Variants in CXADR observed in about 807,000 individuals in gnomAD.
The protein encoded by CXADR is coxsackievirus and adenovirus receptor.
In CXADR, 20 loss-of-function variants were observed where a neutral mutation model predicts 40.3. The observed-to-expected ratio is 0.50, with a 90% CI of 0.35 to 0.72. The LOEUF is 0.72. CXADR is among the 30% of genes least tolerant of loss of function. The pLI is 0.01. For synonymous variants in CXADR, 150 were observed against 161.3 expected, an observed-to-expected ratio of 0.93 and a Z score of 0.53; for missense variants, 332 against 449.1, an observed-to-expected ratio of 0.74 and a Z score of 2.36.
At chr21:17,624,963 T>C in the CXADR span, among the ~76,000 whole-genome samples, 1 of 152,206 alleles carries the variant, frequency 6.6e-6, no homozygotes, top group Non-Finnish European at 1.5e-5. Flanking sequence ...CTTAACCTGC[T>C]TTTTGTTTTC....
the CXADR span, among the ~76,000 whole-genome samples, chr21:17,610,299 A>G: frequency 2.0e-5 from 3 of 152,236 alleles, no homozygotes; most frequent in Non-Finnish European, 4.4e-5. Context: ...TGAACTGTAC[A>G]TTTTAAATGG....
Position 17,567,368 on chromosome 21 carries a change from A to G in CXADR, c.*1676A>G, listed in dbSNP as rs2061223543. ...CATTTTAAAAACAGGTTTTAACCTT[A>G]TGTAAAATTACTTTTATACTCGTGT... On this transcript the variant is annotated 3_prime_UTR_variant, in exon 7 of 7. Coordinates refer to ENST00000284878, the MANE Select transcript of CXADR (RefSeq NM_001338.5). 3.0e-6 allele frequency: 3 copies of G among 984,920 alleles called. No homozygotes were observed. The highest frequency in any genetic ancestry group is 9.4e-5 in the South Asian group (2 of 21,284). 61.0% of individuals were successfully genotyped at this position (984,920 alleles called of 1,614,324 possible).
At chr21:17,554,977 A>AG (rs2061015783) in intron 3 of CXADR, among the ~76,000 whole-genome samples, 1 of 152,088 alleles carries the variant, frequency 6.6e-6, no homozygotes, top group Non-Finnish European at 1.5e-5. Context: ...TCTGGATGTG[A>AG]GGGGCAGCAT....
chr21:17,632,829 C>T, the CXADR span, among the ~76,000 whole-genome samples: 2 of 151,844 alleles, frequency 1.3e-5, no homozygotes, highest in Admixed American at 6.6e-5. Flanking sequence ...AGATCGCCAC[C>T]GCACTCCAGC....
intron 7 of CXADR, among the ~76,000 whole-genome samples, chr21:17,591,830 A>G (rs555727691): frequency 6.6e-6 from 1 of 152,100 alleles, no homozygotes; most frequent in East Asian, 1.9e-4. Context: ...CAAAGCACCT[A>G]GAGTCATAAT....
downstream of CXADR, among the ~76,000 whole-genome samples, chr21:17,594,552 A>T (rs959534481): frequency 1.3e-5 from 2 of 152,058 alleles, no homozygotes; most frequent in Non-Finnish European, 2.9e-5. Flanking sequence ...GAAATGAATA[A>T]ACTCAAACAC....
At chr21:17,561,898 C>T (rs559924031) in intron 6 of CXADR, among the ~76,000 whole-genome samples, 3 of 152,176 alleles carry the variant, frequency 2.0e-5, no homozygotes, top group African/African-American at 4.8e-5. Flanking sequence ...TAGGTCTTAA[C>T]GAGAAGTGTG....
At chr21:17,632,076 G>A in the CXADR span, among the ~76,000 whole-genome samples, 1 of 152,082 alleles carries the variant, frequency 6.6e-6, no homozygotes, top group Non-Finnish European at 1.5e-5. Context: ...CTGCCAAAGT[G>A]CTTGGGACCA....
the CXADR span, among the ~76,000 whole-genome samples, chr21:17,632,835 C>T: frequency 1.3e-5 from 2 of 152,034 alleles, no homozygotes; most frequent in Non-Finnish European, 1.5e-5. Flanking sequence ...CCACCGCACT[C>T]CAGCCTGGGC....
chr21:17,551,438 T>G (rs1014687651), intron 2 of CXADR, among the ~76,000 whole-genome samples: 2 of 152,132 alleles, frequency 1.3e-5, no homozygotes, highest in African/African-American at 4.8e-5. Context: ...CAAGCAAATC[T>G]GTGTTCTTGC....
chr21:17,591,206 T>C (rs527529788), intron 7 of CXADR, among the ~76,000 whole-genome samples: 23 of 152,196 alleles, frequency 1.5e-4, no homozygotes, highest in African/African-American at 3.8e-4. Context: ...AGCTTCATTA[T>C]TTAGTTTTCT....
At chr21:17,582,965 T>C (rs2061371382) in intron 7 of CXADR, among the ~76,000 whole-genome samples, 1 of 152,210 alleles carries the variant, frequency 6.6e-6, no homozygotes, top group Non-Finnish European at 1.5e-5. Flanking sequence ...AGATAATTTT[T>C]TGGGAACAGG....
chr21:17,604,725 A>G, the CXADR span: 4 of 1,135,900 alleles, frequency 3.5e-6, no homozygotes, highest in South Asian at 2.1e-5. Flanking sequence ...AAAGTATTTC[A>G]TAAAATTTAC....
the CXADR span, among the ~76,000 whole-genome samples, chr21:17,628,596 G>A: frequency 6.6e-6 from 1 of 151,862 alleles, no homozygotes. Flanking sequence ...TGCCTCCCAG[G>A]TTCAAGCGAT....
intron 7 of CXADR, among the ~76,000 whole-genome samples, chr21:17,581,747 A>T (rs1053185058): frequency 2.6e-5 from 4 of 151,666 alleles, no homozygotes; most frequent in Non-Finnish European, 5.9e-5. Context: ...CAGGAGGCTG[A>T]GGTGGGAGGA....
intron 1 of CXADR, among the ~76,000 whole-genome samples, chr21:17,540,824 A>G (rs2060817524): frequency 6.6e-6 from 1 of 152,206 alleles, no homozygotes; most frequent in Admixed American, 6.5e-5. Context: ...CACAGTTTCC[A>G]ACACTTTTGC....
intron 1 of CXADR, among the ~76,000 whole-genome samples, chr21:17,517,369 G>A (rs1467766958): frequency 6.6e-6 from 1 of 152,170 alleles, no homozygotes; most frequent in Non-Finnish European, 1.5e-5. Context: ...GGTATAGTGA[G>A]CAGCTACAAT....
At chr21:17,564,219 G>T (rs560758774) in intron 6 of CXADR, among the ~76,000 whole-genome samples, 1 of 150,588 alleles carries the variant, frequency 6.6e-6, no homozygotes, top group Non-Finnish European at 1.5e-5. Flanking sequence ...GCGGCCAGGC[G>T]CAGTGACTCA....
At chr21:17,600,020 C>T in the CXADR span, among the ~76,000 whole-genome samples, 4 of 152,236 alleles carry the variant, frequency 2.6e-5, no homozygotes, top group East Asian at 1.9e-4. Flanking sequence ...TAACTACTCA[C>T]CTCTCATCTT....
Sources: allele counts gnomAD v4.1 joint callset (sites outside exome capture counted in the v4.1 genomes callset), GRCh38; gene constraint gnomAD v4.1.1; transcripts MANE v1.5; gene names NCBI Gene and HGNC (gene_info 2026-07-23, HGNC 2026-07-21).